The following SLIT3 variants were observed in gnomAD, a reference collection of about 807,000 sequenced individuals.
SLIT3 encodes the protein slit homolog 3 protein.
In SLIT3, 68 loss-of-function variants were observed where a neutral mutation model predicts 184.0. The ratio of observed to expected loss-of-function variants is 0.37; its 90% CI spans 0.30 to 0.45. The LOEUF (loss-of-function observed/expected upper bound fraction) is 0.45. Ranked by LOEUF, SLIT3 falls within the 20% of genes least tolerant of loss-of-function variation. The pLI, the probability that SLIT3 is intolerant of heterozygous loss-of-function variation, is 1.00. For missense variants in SLIT3, 1,707 were observed against 2,026.0 expected, an observed-to-expected ratio of 0.84 and a Z score of 3.02; for synonymous variants, 831 against 828.6, an observed-to-expected ratio of 1.00 and a Z score of -0.05.
intron 5 of SLIT3, among the ~76,000 whole-genome samples, chr5:168,865,528 C>T (rs535295946): frequency 6.6e-6 from 1 of 152,222 alleles, no homozygotes; most frequent in Non-Finnish European, 1.5e-5. Flanking sequence ...AATAGTTCTA[C>T]AGGCAAAACT....
At chr5:168,910,016 T>C (rs748206849) in intron 4 of SLIT3, among the ~76,000 whole-genome samples, 7 of 152,250 alleles carry the variant, frequency 4.6e-5, no homozygotes, top group Non-Finnish European at 1.0e-4. Flanking sequence ...TTGTGAAACA[T>C]GCACAGAGAG....
At position 169,160,212 on chromosome 5, in the gene SLIT3, G is replaced by A. The variant is rs1237970644; in HGVS notation, c.413+33267C>T. ...GTCTATCACTGTGCCATGCCATTCA[G>A]AGAGATTATTTTAATGGTCTGAGGA... On this transcript the variant is annotated intron_variant, in intron 4 of 35. Transcript: ENST00000519560. 2.0e-5 allele frequency among the ~76,000 whole-genome samples: 3 copies of A among 152,336 alleles called. No individual in the cohort carries two copies. In the East Asian group the frequency reaches 5.8e-4, roughly 29 times the overall value.
chr5:168,700,826 T>G (rs895313893), intron 26 of SLIT3, 147 bp from the exon 27 acceptor site: 1 of 631,642 alleles, frequency 1.6e-6, no homozygotes, highest in Non-Finnish European at 2.9e-6. Context: ...GCTGTGTGAC[T>G]TGGAGCCCAC....
intron 4 of SLIT3, among the ~76,000 whole-genome samples, chr5:168,939,542 C>T (rs1316367976): frequency 2.0e-5 from 3 of 152,276 alleles, no homozygotes; most frequent in Admixed American, 6.5e-5. Flanking sequence ...TCTAGAAAAA[C>T]CAAGCATTGT....
chr5:168,890,583 TC>T (rs1760417596), intron 4 of SLIT3, among the ~76,000 whole-genome samples: 1 of 152,252 alleles, frequency 6.6e-6, no homozygotes, highest in South Asian at 2.1e-4. Flanking sequence ...GGTTATGTTT[TC>T]TTTCATTTAT....
intron 5 of SLIT3, among the ~76,000 whole-genome samples, chr5:168,862,217 G>A (rs937265602): frequency 6.6e-5 from 10 of 152,314 alleles, no homozygotes; most frequent in African/African-American, 2.2e-4. Flanking sequence ...GGGGGAAAGG[G>A]CGGCAGGTGG....
intron 1 of SLIT3, among the ~76,000 whole-genome samples, chr5:169,259,768 T>C (rs1766102163): frequency 6.6e-6 from 1 of 152,214 alleles, no homozygotes; most frequent in African/African-American, 2.4e-5. Flanking sequence ...TCAATAACTC[T>C]GTAATTGTCA....
intron 4 of SLIT3, among the ~76,000 whole-genome samples, chr5:169,049,331 G>A (rs1757739101): frequency 6.6e-6 from 1 of 152,170 alleles, no homozygotes; most frequent in African/African-American, 2.4e-5. Context: ...TCCAAAATAA[G>A]AGGTCTCGGG....
At chr5:168,907,963 TATATATATATATATATAGAGAG>T (rs1562000097) in intron 4 of SLIT3, among the ~76,000 whole-genome samples, 370 of 79,310 alleles carry the variant, frequency 4.7e-3, no homozygotes, top group East Asian at 0.017. Context: ...TATATATATA[TATATATATATATATATAGAGAG>T]AGAGAGAGAG....
At chr5:169,176,074 G>C (rs528770842) in intron 4 of SLIT3, among the ~76,000 whole-genome samples, 157 of 152,246 alleles carry the variant, frequency 1.0e-3, no homozygotes, top group African/African-American at 3.7e-3. Flanking sequence ...AACAGCTAAA[G>C]TACTTCTGGG....
intron 20 of SLIT3, among the ~76,000 whole-genome samples, chr5:168,726,365 AGGC>A: frequency 1.2e-5 from 1 of 82,748 alleles, no homozygotes; most frequent in Non-Finnish European, 2.8e-5. Flanking sequence ...AGGGAGAGGG[AGGC>A]AGGGAGGGAG....
intron 4 of SLIT3, among the ~76,000 whole-genome samples, chr5:169,182,175 AT>A (rs1202083094): frequency 1.3e-5 from 2 of 152,222 alleles, no homozygotes; most frequent in African/African-American, 2.4e-5. Context: ...GGTGAGGAGA[AT>A]TAGAAAAGGA....
intron 4 of SLIT3, among the ~76,000 whole-genome samples, chr5:169,185,030 A>G (rs1763287748): frequency 6.6e-6 from 1 of 152,176 alleles, no homozygotes; most frequent in African/African-American, 2.4e-5. Context: ...GACACATCCT[A>G]TCGGAGGAGA....
At chr5:168,731,764 T>A (rs990338964) in intron 20 of SLIT3, among the ~76,000 whole-genome samples, 2 of 151,932 alleles carry the variant, frequency 1.3e-5, no homozygotes, top group African/African-American at 4.8e-5. Context: ...CCCTTCATGA[T>A]AAAATTTAGC....
chr5:168,798,736 C>T, intron 9 of SLIT3, among the ~76,000 whole-genome samples: 1 of 152,116 alleles, frequency 6.6e-6, no homozygotes, highest in South Asian at 2.1e-4. Context: ...GGAGGGATAA[C>T]CATAACCACC....
chr5:168,721,642 A>G (rs78869341), intron 23 of SLIT3, among the ~76,000 whole-genome samples: 5,614 of 152,284 alleles, frequency 0.037, 421 homozygotes, highest in Admixed American at 0.18. Flanking sequence ...AGGTCTCTCA[A>G]TTTTCCAAAA....
At position 169,192,436 on chromosome 5, in the gene SLIT3, T is replaced by TG. The variant is rs1366168457; in HGVS notation, c.413+1042dup. ...TGTATATAGTCTCTGTGTGTGTGTG[T>TG]GTGTGTGTGTGTGTGTGTGTATAGA... On this transcript the variant is annotated intron_variant, in intron 4 of 35. Coordinates refer to ENST00000519560, the MANE Select transcript of SLIT3 (RefSeq NM_003062.4). Among the ~76,000 whole-genome samples the TG allele has an allele frequency of 2.8e-4, 43 of 151,866 alleles. No individual in the cohort carries two copies. The East Asian group carries it at 6.0e-3, about 21-fold the overall frequency.
At chr5:169,147,295 G>A (rs962676805) in intron 4 of SLIT3, among the ~76,000 whole-genome samples, 2 of 152,198 alleles carry the variant, frequency 1.3e-5, no homozygotes, top group Admixed American at 6.5e-5. Context: ...TGGAGATGGA[G>A]TCTCACTCTC....
chr5:168,755,389 A>ATTTATTTCTTTCTTTCTTTCCTTTCTTTC (rs1213373035), intron 16 of SLIT3, among the ~76,000 whole-genome samples: 2 of 133,640 alleles, frequency 1.5e-5, no homozygotes, highest in African/African-American at 5.2e-5. Flanking sequence ...CAGTGCCGCC[A>ATTTATTTCTTTCTTTCTTTCCTTTCTTTC]TTTCTTTCTT....
Sources: gnomAD v4.1 joint callset for allele counts (sites outside exome capture counted in the v4.1 genomes callset) on GRCh38, gnomAD v4.1.1 for gene constraint, MANE v1.5 for transcripts, NCBI Gene and HGNC (gene_info 2026-07-23, HGNC 2026-07-21) for gene names.